The following SUCLA2 variants were observed in gnomAD, a reference collection of about 807,000 sequenced individuals.
SUCLA2 encodes succinate--CoA ligase [ADP-forming] subunit beta, mitochondrial.
In SUCLA2, 30 loss-of-function variants were observed where a neutral mutation model predicts 54.8. That is an observed-to-expected ratio of 0.55 (90% confidence interval 0.41 to 0.74). SUCLA2 has a LOEUF of 0.74. Among genes scored for constraint, SUCLA2 ranks in the 30% least tolerant of loss-of-function variants. The pLI, the probability that SUCLA2 is intolerant of heterozygous loss-of-function variation, is 0.00. For missense variants in SUCLA2, 476 were observed against 562.9 expected, an observed-to-expected ratio of 0.85 and a Z score of 1.56; for synonymous variants, 172 against 188.9, an observed-to-expected ratio of 0.91 and a Z score of 0.74.
At chr13:47,949,624 T>A (rs370195343) in intron 8 of SUCLA2, 21 bp from the exon 9 acceptor site, 1 of 1,612,048 alleles carries the variant, frequency 6.2e-7, no homozygotes, top group African/African-American at 1.3e-5. Flanking sequence ...AGTGTTCTGA[T>A]AGATTAAAAT....
intron 4 of SUCLA2, among the ~76,000 whole-genome samples, chr13:47,979,035 G>A (rs943412048): frequency 6.6e-6 from 1 of 152,184 alleles, no homozygotes; most frequent in African/African-American, 2.4e-5. Context: ...GAGAGAATGT[G>A]GAGAAACAGG....
At chr13:47,995,860 T>A (rs1950186495) in intron 2 of SUCLA2, among the ~76,000 whole-genome samples, 1 of 146,326 alleles carries the variant, frequency 6.8e-6, no homozygotes, top group South Asian at 2.1e-4. Context: ...ATTAAGAGAT[T>A]AATTCAAATT....
At chr13:47,981,382 C>T (rs1950059214) in intron 4 of SUCLA2, among the ~76,000 whole-genome samples, 1 of 151,992 alleles carries the variant, frequency 6.6e-6, no homozygotes. Flanking sequence ...TCACTAATAA[C>T]GGGGGAAATG....
In SUCLA2 at chr13:47,954,379, A is replaced by C; in HGVS notation, c.964+17T>G. On this transcript the variant is annotated intron_variant, in intron 7 of 10. Coordinates refer to ENST00000646932, the MANE Select transcript of SUCLA2 (RefSeq NM_003850.3). ...TAAACTTAGTGAATCCAATTCTAAC[A>C]TAAAAACACATGGTACCTAGGCAGC... is the stretch of plus-strand genomic sequence containing the variant. The C allele has an allele frequency of 6.2e-7, 1 of 1,614,002 alleles. No individual in the cohort carries two copies. The highest frequency in any genetic ancestry group is 8.5e-7 in the Non-Finnish European group (1 of 1,179,888).
intron 10 of SUCLA2, among the ~76,000 whole-genome samples, chr13:47,946,442 A>AC (rs1949732063): frequency 6.6e-6 from 1 of 151,976 alleles, no homozygotes; most frequent in Non-Finnish European, 1.5e-5. Flanking sequence ...AAACAAACAA[A>AC]AAAAAAAGGT....
intron 1 of SUCLA2, among the ~76,000 whole-genome samples, chr13:47,999,415 T>A (rs1231036814): frequency 6.6e-6 from 1 of 152,128 alleles, no homozygotes; most frequent in Non-Finnish European, 1.5e-5. Flanking sequence ...CTTAAACAAA[T>A]GTTTAAAACA....
Position 47,994,517 on chromosome 13 carries a change from G to C in SUCLA2, c.271+2326C>G, listed in dbSNP as rs373616515. ...TGGGAGACGGAGGTTGCAGTGAGCC[G>C]AGATCGCGCCACTGCACTCCAGCCT... On this transcript the variant is annotated intron_variant, in intron 2 of 10. Coordinates refer to ENST00000646932, the MANE Select transcript of SUCLA2 (RefSeq NM_003850.3). Among the ~76,000 whole-genome samples the C allele has an allele frequency of 2.6e-4, 37 of 143,788 alleles. No homozygotes were observed. The South Asian group carries it at 8.1e-3, about 31-fold the overall frequency. 94.3% of individuals were successfully genotyped at this position (143,788 alleles called of 152,430 possible). A position where few individuals can be genotyped will look rare whatever the true frequency, so the allele number is the denominator to read the frequency against.
intron 4 of SUCLA2, among the ~76,000 whole-genome samples, chr13:47,978,006 A>C (rs1950030800): frequency 6.6e-6 from 1 of 152,220 alleles, no homozygotes; most frequent in African/African-American, 2.4e-5. Flanking sequence ...CTGCTCAAGA[A>C]AATAAGAAAG....
intron 4 of SUCLA2, among the ~76,000 whole-genome samples, chr13:47,982,998 G>A (rs2137735067): frequency 6.6e-6 from 1 of 152,216 alleles, no homozygotes; most frequent in African/African-American, 2.4e-5. Flanking sequence ...AGGGTAACCT[G>A]GGGACCACCA....
At chr13:47,954,343 T>G (rs1949801598) in intron 7 of SUCLA2, 53 bp downstream of exon 7, 63 of 1,613,804 alleles carry the variant, frequency 3.9e-5, no homozygotes, top group Non-Finnish European at 5.3e-5. Flanking sequence ...TTAAACTTAG[T>G]AAATCCAAAT....
intron 6 of SUCLA2, among the ~76,000 whole-genome samples, chr13:47,957,907 T>C (rs933162238): frequency 2.0e-5 from 3 of 152,170 alleles, no homozygotes; most frequent in Non-Finnish European, 4.4e-5. Flanking sequence ...TGGGGCTTGT[T>C]TGTTGCTGTA....
intron 6 of SUCLA2, among the ~76,000 whole-genome samples, chr13:47,963,516 G>A (rs559722936): frequency 7.9e-5 from 12 of 152,172 alleles, no homozygotes; most frequent in South Asian, 2.1e-4. Flanking sequence ...ATGGTGGCAC[G>A]TGCCTGTAAT....
chr13:47,974,409 A>G (rs764533631), intron 4 of SUCLA2, among the ~76,000 whole-genome samples: 1 of 151,888 alleles, frequency 6.6e-6, no homozygotes, highest in Non-Finnish European at 1.5e-5. Context: ...ACATAGTAAG[A>G]CTCCATTTCT....
chr13:47,964,584 G>A lies in SUCLA2; in HGVS notation c.802+4011C>T, dbSNP rs772454964. ...ATAAGATGTCATCATTGGGCCAGGC[G>A]TGGTGGCTCAAGCCTGTAATCCCAG... is the stretch of plus-strand genomic sequence containing the variant. On this transcript the variant is annotated intron_variant, in intron 6 of 10. Transcript: ENST00000646932. 5.3e-5 allele frequency among the ~76,000 whole-genome samples: 8 copies of A among 152,336 alleles called. No homozygotes were observed. In the South Asian group the frequency reaches 6.2e-4, roughly 12 times the overall value.
At chr13:47,979,576 T>C (rs2137730445) in intron 4 of SUCLA2, among the ~76,000 whole-genome samples, 1 of 152,264 alleles carries the variant, frequency 6.6e-6, no homozygotes, top group Admixed American at 6.5e-5. Flanking sequence ...CCATGGCACG[T>C]GTATACCTAT....
intron 6 of SUCLA2, among the ~76,000 whole-genome samples, chr13:47,963,380 A>G (rs1949887840): frequency 6.6e-6 from 1 of 152,228 alleles, no homozygotes; most frequent in Non-Finnish European, 1.5e-5. Context: ...GCAGTGGCTC[A>G]CGCCTGTAAT....
At chr13:47,971,732 A>G (rs1949967921) in intron 5 of SUCLA2, 1 of 393,850 alleles carries the variant, frequency 2.5e-6, no homozygotes, top group African/African-American at 2.1e-5. Context: ...GGAGATATAT[A>G]AGACAGTGTC....
At chr13:47,947,139 C>G (rs1949738076) in intron 10 of SUCLA2, among the ~76,000 whole-genome samples, 1 of 152,084 alleles carries the variant, frequency 6.6e-6, no homozygotes, top group Non-Finnish European at 1.5e-5. Context: ...TGAAGAGGTT[C>G]CCAAAGACCA....
chr13:47,995,587 T>C (rs117740529), intron 2 of SUCLA2, among the ~76,000 whole-genome samples: 1 of 152,164 alleles, frequency 6.6e-6, no homozygotes, highest in African/African-American at 2.4e-5. Context: ...ACAAGATGAA[T>C]ACTTTTAAAA....
Sources: gnomAD v4.1 joint callset for allele counts (sites outside exome capture counted in the v4.1 genomes callset) on GRCh38, gnomAD v4.1.1 for gene constraint, MANE v1.5 for transcripts, NCBI Gene and HGNC (gene_info 2026-07-23, HGNC 2026-07-21) for gene names.